The following RALYL variants were observed in gnomAD, a reference collection of about 807,000 sequenced individuals.
RALYL encodes the protein RNA-binding Raly-like protein.
RALYL carries 29 observed loss-of-function variants against 35.1 expected under a neutral mutation model. The observed-to-expected ratio is 0.83, with a 90% CI of 0.61 to 1.13. The LOEUF is 1.13. Ranked by LOEUF, RALYL falls within the 50% of genes most tolerant of loss-of-function variation. The pLI, the probability that RALYL is intolerant of heterozygous loss-of-function variation, is 0.00. For missense variants in RALYL, 359 were observed against 360.4 expected (o/e 1.00, Z 0.03); for synonymous variants, 120 against 127.6 (o/e 0.94, Z 0.40).
At chr8:84,658,081 A>C in intron 2 of RALYL, among the ~76,000 whole-genome samples, 1 of 152,054 alleles carries the variant, frequency 6.6e-6, no homozygotes, top group Non-Finnish European at 1.5e-5. Flanking sequence ...CCCTTGCTTC[A>C]CCTTTTGACA....
At chr8:84,278,791 C>T (rs1327943676) in intron 1 of RALYL, among the ~76,000 whole-genome samples, 1 of 152,184 alleles carries the variant, frequency 6.6e-6, no homozygotes, top group Non-Finnish European at 1.5e-5. Flanking sequence ...GTCCATATCA[C>T]TATCAGCATT....
chr8:84,727,079 A>G (rs1326407647), intron 2 of RALYL, among the ~76,000 whole-genome samples: 1 of 152,124 alleles, frequency 6.6e-6, no homozygotes, highest in Non-Finnish European at 1.5e-5. Context: ...AAGAGGGGTT[A>G]AGTTAAGCAC....
At chr8:84,770,299 G>C (rs1214159438) in intron 2 of RALYL, among the ~76,000 whole-genome samples, 1 of 151,364 alleles carries the variant, frequency 6.6e-6, no homozygotes, top group East Asian at 1.9e-4. Context: ...CACGATGTTT[G>C]GTTTTCTATT....
intron 1 of RALYL, among the ~76,000 whole-genome samples, chr8:84,294,212 C>A (rs931491493): frequency 1.3e-5 from 2 of 151,806 alleles, no homozygotes; most frequent in Non-Finnish European, 2.9e-5. Context: ...ATAATAAAAT[C>A]GACAATTTAG....
At position 84,819,133 on chromosome 8, in the gene RALYL, G is replaced by A. The variant is rs186760232; in HGVS notation, c.365+14331G>A. 3.4e-3 allele frequency among the ~76,000 whole-genome samples: 509 copies of A among 151,794 alleles called. 8 individuals are homozygous for A. In the Middle Eastern group the frequency reaches 0.041, roughly 12 times the overall value. On this transcript the variant is annotated intron_variant, in intron 4 of 8. Transcript: ENST00000521268. ...TTCTTCTAAAAATCTACTTTTTTGC[G>A]TTTTTTTTAAGACTCAGACAGTGCT...
chr8:84,851,794 C>T (rs906488484), intron 5 of RALYL, among the ~76,000 whole-genome samples: 3 of 152,210 alleles, frequency 2.0e-5, no homozygotes, highest in African/African-American at 7.2e-5. Flanking sequence ...GATCTCAGCA[C>T]GAACATCCCT....
intron 4 of RALYL, among the ~76,000 whole-genome samples, chr8:84,830,006 A>G (rs564165793): frequency 1.2e-5 from 1 of 80,052 alleles, no homozygotes; most frequent in Non-Finnish European, 2.5e-5. Flanking sequence ...ACAGCATTTC[A>G]GCACTATACT....
intron 2 of RALYL, among the ~76,000 whole-genome samples, chr8:84,581,474 A>G (rs935847632): frequency 6.6e-6 from 1 of 152,180 alleles, no homozygotes; most frequent in Non-Finnish European, 1.5e-5. Context: ...TATTACACAC[A>G]TAATATAGAA....
At chr8:84,889,589 G>A (rs1233840396) in intron 8 of RALYL, among the ~76,000 whole-genome samples, 1 of 152,062 alleles carries the variant, frequency 6.6e-6, no homozygotes, top group Non-Finnish European at 1.5e-5. Flanking sequence ...AAATACTAGA[G>A]CGTTAAATAT....
chr8:84,766,495 C>A (rs1295595591), intron 2 of RALYL, among the ~76,000 whole-genome samples: 2 of 150,624 alleles, frequency 1.3e-5, no homozygotes, highest in Admixed American at 1.3e-4. Context: ...AGATCAAGAC[C>A]ATCCTGGCTA....
At chr8:84,750,944 C>T (rs1809834917) in intron 2 of RALYL, among the ~76,000 whole-genome samples, 2 of 152,058 alleles carry the variant, frequency 1.3e-5, no homozygotes, top group Admixed American at 6.6e-5. Flanking sequence ...ACTAAGACTC[C>T]CTCTTTTTCT....
chr8:84,196,298 T>C (rs1368430073), intron 1 of RALYL, among the ~76,000 whole-genome samples: 1 of 151,988 alleles, frequency 6.6e-6, no homozygotes, highest in African/African-American at 2.4e-5. Flanking sequence ...AGAAAGGAAA[T>C]GGAAGAGAAA....
At chr8:84,906,722 C>A (rs1846561292) in intron 8 of RALYL, among the ~76,000 whole-genome samples, 1 of 151,768 alleles carries the variant, frequency 6.6e-6, no homozygotes, top group South Asian at 2.1e-4. Flanking sequence ...CATGGACTGG[C>A]ACAAAGATTT....
At chr8:84,823,101 A>G (rs1297797846) in intron 4 of RALYL, among the ~76,000 whole-genome samples, 1 of 152,196 alleles carries the variant, frequency 6.6e-6, no homozygotes, top group East Asian at 1.9e-4. Context: ...TAGCATGTTT[A>G]TATGCTATCG....
At chr8:84,308,935 T>C (rs2129712578) in intron 1 of RALYL, among the ~76,000 whole-genome samples, 1 of 151,856 alleles carries the variant, frequency 6.6e-6, no homozygotes, top group East Asian at 1.9e-4. Flanking sequence ...TAAACAAATA[T>C]CAAGGGTCAT....
At chr8:84,529,243 G>T in intron 1 of RALYL, 56 bp from the exon 2 acceptor site, 2 of 1,526,394 alleles carry the variant, frequency 1.3e-6, no homozygotes, top group South Asian at 2.5e-5. Context: ...ATACCCATTC[G>T]ATCTAATGAT....
At chr8:84,675,886 C>T (rs1339419142) in intron 2 of RALYL, among the ~76,000 whole-genome samples, 2 of 151,876 alleles carry the variant, frequency 1.3e-5, no homozygotes, top group African/African-American at 4.8e-5. Flanking sequence ...TAGATTTGTA[C>T]AAATAAAAAG....
intron 1 of RALYL, among the ~76,000 whole-genome samples, chr8:84,473,692 T>C (rs2053059521): frequency 6.6e-6 from 1 of 151,838 alleles, no homozygotes; most frequent in Non-Finnish European, 1.5e-5. Flanking sequence ...CTTTTATCAG[T>C]GTCCTTTGGG....
At chr8:84,428,192 A>C (rs2046749464) in intron 1 of RALYL, among the ~76,000 whole-genome samples, 1 of 151,724 alleles carries the variant, frequency 6.6e-6, no homozygotes, top group Admixed American at 6.6e-5. Context: ...AAAATAAATA[A>C]CTCTATAGAA....
Sources: allele counts gnomAD v4.1 joint callset (sites outside exome capture counted in the v4.1 genomes callset), GRCh38; gene constraint gnomAD v4.1.1; transcripts MANE v1.5; gene names NCBI Gene and HGNC (gene_info 2026-07-23, HGNC 2026-07-21).